ERLEC1: variants seen among roughly 807,000 people sequenced by gnomAD.
ERLEC1 encodes the protein ER lectin.
In ERLEC1, 47 loss-of-function variants were observed where a neutral mutation model predicts 68.0. That is an observed-to-expected ratio of 0.69 (90% confidence interval 0.55 to 0.88). ERLEC1 has a LOEUF of 0.88. Among genes scored for constraint, ERLEC1 ranks in the 40% least tolerant of loss-of-function variants. The probability of loss-of-function intolerance (pLI) is 0.00; values close to 1 mark genes in which losing one functional copy is unlikely to be tolerated. For synonymous variants in ERLEC1, 225 were observed against 203.2 expected, an observed-to-expected ratio of 1.11 and a Z score of -0.91; for missense variants, 567 against 583.8, an observed-to-expected ratio of 0.97 and a Z score of 0.30.
At chr2:53,788,309 G>A (rs1675187852) in intron 1 of ERLEC1, among the ~76,000 whole-genome samples, 1 of 152,158 alleles carries the variant, frequency 6.6e-6, no homozygotes, top group Admixed American at 6.5e-5. Flanking sequence ...GTCAAAACAA[G>A]ATGTGTCAAG....
chr2:53,788,893 G>A (rs1004804455), intron 1 of ERLEC1, among the ~76,000 whole-genome samples: 4 of 151,950 alleles, frequency 2.6e-5, no homozygotes, highest in African/African-American at 9.7e-5. Context: ...GATGTTTGAA[G>A]AATTATGTCA....
intron 11 of ERLEC1, among the ~76,000 whole-genome samples, chr2:53,813,633 T>C (rs1676707305): frequency 6.6e-6 from 1 of 152,256 alleles, no homozygotes; most frequent in Admixed American, 6.5e-5. Context: ...CATTAGCTTT[T>C]CTTGCAGACT....
Position 53,818,702 on chromosome 2 carries a change from C to A in ERLEC1, c.*733C>A, listed in dbSNP as rs114372333. On this transcript the variant is annotated 3_prime_UTR_variant, in exon 14 of 14. Coordinates refer to ENST00000185150, the MANE Select transcript of ERLEC1 (RefSeq NM_015701.5). ...TTACTCTAACAAAACACTGTGCTGT[C>A]TATCCCTTGTACTTGCCTACTGTAA... 5.9e-5 allele frequency: 9 copies of A among 152,218 alleles called. No individual in the cohort carries two copies. The highest frequency in any genetic ancestry group is 2.2e-4 in the African/African-American group (9 of 41,456). 9.4% of individuals were successfully genotyped at this position (152,218 alleles called of 1,614,324 possible).
rs761861870 is a variant in ERLEC1, at chr2:53,814,856, T to C, written c.1305-4T>C. 3.7e-6 allele frequency: 6 copies of C among 1,602,746 alleles called. No homozygotes were observed. The East Asian group carries it at 1.3e-4, about 36-fold the overall frequency. ...ACAGTACCTTAAAGTGCTCTCTGTTTTAGGTGCAAAGAATCAGATTCACCT... is the reference window on the plus strand; with the variant it reads ...ACAGTACCTTAAAGTGCTCTCTGTTCTAGGTGCAAAGAATCAGATTCACCT... On this transcript the variant is annotated splice_region_variant and splice_polypyrimidine_tract_variant and intron_variant, in intron 12 of 13. Coordinates refer to ENST00000185150, the MANE Select transcript of ERLEC1 (RefSeq NM_015701.5).
chr2:53,788,788 T>G (rs925174238), intron 1 of ERLEC1: 1 of 152,234 alleles, frequency 6.6e-6, no homozygotes, highest in Non-Finnish European at 1.5e-5. Flanking sequence ...ATGTAAAATT[T>G]TGTTATGAAT....
intron 1 of ERLEC1, among the ~76,000 whole-genome samples, chr2:53,791,988 T>G (rs1294513342): frequency 6.7e-6 from 1 of 150,292 alleles, no homozygotes; most frequent in Non-Finnish European, 1.5e-5. Flanking sequence ...CTCAGCTCTC[T>G]GCAAGCTCCG....
rs964700610 is a variant in ERLEC1, at chr2:53,792,533, A to G, written c.163-1812A>G. ...GGCGTTAGTGTCTGTTTCCGTAAAA[A>G]TGAGCATCATACTTGTTTTGAGGAT... On this transcript the variant is annotated intron_variant, in intron 1 of 13. Transcript: ENST00000185150. Among the ~76,000 whole-genome samples, 6 of 152,212 alleles carry G rather than the reference A, an allele frequency of 3.9e-5. No individual in the cohort carries two copies. The East Asian group carries it at 1.2e-3, about 29-fold the overall frequency.
intron 6 of ERLEC1, among the ~76,000 whole-genome samples, chr2:53,801,107 A>G (rs1675978195): frequency 6.6e-6 from 1 of 152,144 alleles, no homozygotes; most frequent in South Asian, 2.1e-4. Context: ...ATTCATATTA[A>G]TCATTATTTT....
intron 13 of ERLEC1, among the ~76,000 whole-genome samples, chr2:53,817,341 G>A (rs1676954589): frequency 6.6e-6 from 1 of 151,944 alleles, no homozygotes; most frequent in African/African-American, 2.4e-5. Flanking sequence ...CACTATGTTA[G>A]CCAGAATGGT....
intron 8 of ERLEC1, among the ~76,000 whole-genome samples, chr2:53,802,783 G>A (rs1036520468): frequency 3.9e-5 from 6 of 152,180 alleles, no homozygotes; most frequent in African/African-American, 1.4e-4. Context: ...CCAGGCTGGA[G>A]TGCAGTGGCA....
Position 53,818,180 on chromosome 2 carries a change from TTG to T in ERLEC1, c.*215_*216del, listed in dbSNP as rs1331848483. On this transcript the variant is annotated 3_prime_UTR_variant, in exon 14 of 14. Transcript: ENST00000185150. ...TTTGTCTCGCTTTTTTTCATTTTTG[TTG>T]TGTCTTATAAACTGACTGTTTTTCT... 2 of 414,246 alleles carry T rather than the reference TTG, an allele frequency of 4.8e-6. No homozygotes were observed. Among genetic ancestry groups the T allele is most frequent in the Non-Finnish European group, 8.7e-6 (2 of 229,062 alleles). The allele number at this position is 414,246 out of a possible 1,614,324, so 25.7% of individuals were successfully genotyped here.
chr2:53,796,822 A>G (rs1030773112), intron 3 of ERLEC1, among the ~76,000 whole-genome samples: 11 of 151,938 alleles, frequency 7.2e-5, no homozygotes, highest in African/African-American at 2.7e-4. Flanking sequence ...AATAATACCA[A>G]TAACAAATCA....
At chr2:53,807,191 C>A (rs1396485575) in intron 8 of ERLEC1, among the ~76,000 whole-genome samples, 1 of 152,204 alleles carries the variant, frequency 6.6e-6, no homozygotes, top group Non-Finnish European at 1.5e-5. Context: ...ATCATACCCC[C>A]ACATCTTTGG....
chr2:53,788,395 G>T (rs1225448278), intron 1 of ERLEC1, among the ~76,000 whole-genome samples: 5 of 151,904 alleles, frequency 3.3e-5, no homozygotes, highest in African/African-American at 1.2e-4. Flanking sequence ...GTTTGGTTTG[G>T]GTTTTTCTGT....
chr2:53,812,301 A>G (rs1197611661), intron 10 of ERLEC1, among the ~76,000 whole-genome samples: 1 of 152,178 alleles, frequency 6.6e-6, no homozygotes, highest in Non-Finnish European at 1.5e-5. Flanking sequence ...AACCAAAGGA[A>G]TGCAAGGAGG....
chr2:53,789,679 A>G (rs1018932563), intron 1 of ERLEC1, among the ~76,000 whole-genome samples: 10 of 151,834 alleles, frequency 6.6e-5, no homozygotes, highest in African/African-American at 2.4e-4. Flanking sequence ...TGGTCTTTTG[A>G]TTTTTTTTAA....
rs766888669 is a variant in ERLEC1 at position 53,817,879 on chromosome 2, C to T, written c.1381-19C>T. 2.6e-6 allele frequency: 4 copies of T among 1,562,742 alleles called. No individual in the cohort carries two copies. The South Asian group carries it at 3.3e-5, about 13-fold the overall frequency. On this transcript the variant is annotated intron_variant, in intron 13 of 13. Coordinates refer to ENST00000185150, the MANE Select transcript of ERLEC1 (RefSeq NM_015701.5). ...ATTCAGCTTAGCAACTTTTTAATGGCTTTGTTGTTCTTCTTTAGGTTGAAT... is the reference window on the plus strand; with the variant it reads ...ATTCAGCTTAGCAACTTTTTAATGGTTTTGTTGTTCTTCTTTAGGTTGAAT...
At chr2:53,795,360 C>T (rs1016658064) in intron 2 of ERLEC1, among the ~76,000 whole-genome samples, 2 of 152,124 alleles carry the variant, frequency 1.3e-5, no homozygotes, top group African/African-American at 4.8e-5. Context: ...TTTTCATGAT[C>T]TGGAAAATAG....
intron 10 of ERLEC1, among the ~76,000 whole-genome samples, chr2:53,810,740 T>G (rs1212464906): frequency 6.6e-6 from 1 of 152,230 alleles, no homozygotes; most frequent in East Asian, 1.9e-4. Context: ...ATCCATAGAC[T>G]AGGATGTGTT....
Sources: allele counts gnomAD v4.1 joint callset (sites outside exome capture counted in the v4.1 genomes callset), GRCh38; gene constraint gnomAD v4.1.1; transcripts MANE v1.5; gene names NCBI Gene and HGNC (gene_info 2026-07-23, HGNC 2026-07-21).